FDFT1: variants seen among roughly 807,000 people sequenced by gnomAD.
FDFT1 encodes the protein squalene synthase.
FDFT1 carries 68 observed loss-of-function variants against 46.8 expected under a neutral mutation model. The observed-to-expected ratio is 1.45, with a 90% CI of 1.19 to 1.78. The LOEUF (loss-of-function observed/expected upper bound fraction) is 1.78, where lower values mean the gene tolerates loss of function less well. Ranked by LOEUF, FDFT1 falls within the 40% of genes most tolerant of loss-of-function variation. The pLI is 0.00. For synonymous variants in FDFT1, 351 were observed against 185.1 expected (o/e 1.90, Z -7.28); for missense variants, 928 against 524.4 (o/e 1.77, Z -7.52).
rs71711801 is a variant in FDFT1, at chr8:11,808,709, GTCCCACTCCCAC to G, written c.100-57_100-46del. ...GCAGGCTGTGGAGCCGCCTGCCCCA[GTCCCACTCCCAC>G]TCCCACTCCCACTCCCACTCCCACT... On this transcript the variant is annotated intron_variant, in intron 1 of 7. Coordinates refer to ENST00000220584, the MANE Select transcript of FDFT1 (RefSeq NM_004462.5). The G allele has an allele frequency of 0.019, 28,079 of 1,514,486 alleles. 394 individuals are homozygous for G. Among genetic ancestry groups the G allele is most frequent in the African/African-American group, 0.063 (4,513 of 71,468 alleles). The allele number at this position is 1,514,486 out of a possible 1,614,324, so 93.8% of individuals were successfully genotyped here. A position where few individuals can be genotyped will look rare whatever the true frequency, so the allele number is the denominator to read the frequency against.
At chr8:11,801,454 G>C (rs1394174320), upstream of FDFT1, among the ~76,000 whole-genome samples, 1 of 152,160 alleles carries the variant, frequency 6.6e-6, no homozygotes, top group Non-Finnish European at 1.5e-5. Context: ...CAGGTAGCTG[G>C]GATTATAGGC....
intron 5 of FDFT1, among the ~76,000 whole-genome samples, chr8:11,829,835 T>G (rs1026923021): frequency 3.0e-5 from 3 of 98,842 alleles, no homozygotes; most frequent in Non-Finnish European, 6.3e-5. Flanking sequence ...TATCATAGTG[T>G]TTTTTTTTGT....
chr8:11,810,746 G>A (rs1295478874), intron 3 of FDFT1, among the ~76,000 whole-genome samples: 2 of 152,082 alleles, frequency 1.3e-5, no homozygotes, highest in African/African-American at 4.8e-5. Context: ...ATTTAGCAAA[G>A]TCACATGTTG....
At chr8:11,836,577 C>G (rs777138346) in intron 7 of FDFT1, among the ~76,000 whole-genome samples, 2 of 152,264 alleles carry the variant, frequency 1.3e-5, no homozygotes, top group Non-Finnish European at 2.9e-5. Context: ...TTCTGTTTCA[C>G]TTCTCCACTC....
chr8:11,833,330 G>C (rs1423578437), intron 7 of FDFT1, among the ~76,000 whole-genome samples: 1 of 152,196 alleles, frequency 6.6e-6, no homozygotes, highest in Non-Finnish European at 1.5e-5. Context: ...AGGTCTGTCT[G>C]ACATCAGAAT....
Position 11,821,763 on chromosome 8 carries a change from T to C in FDFT1, c.395T>C (p.Phe132Ser). ...TTTCCATTTCAGATCTCCCTTGAGT[T>C]TAGAAATCTGGCTGAGAAATACCAA... The part of the protein sequence containing the change: ...LEDFPTISLE[F>S]RNLAEKYQTV... Residue 132 changes from phenylalanine (F) to serine (S), a missense_variant, in exon 4 of 8, where the codon TTT becomes TCT. Transcript: ENST00000220584. 5 of 1,613,406 alleles carry C rather than the reference T, an allele frequency of 3.1e-6. No homozygotes were observed. Among genetic ancestry groups the C allele is most frequent in the Non-Finnish European group, 4.2e-6 (5 of 1,179,494 alleles).
At chr8:11,796,851 T>C (rs1476622959) in intron 1 of FDFT1, among the ~76,000 whole-genome samples, 1 of 152,182 alleles carries the variant, frequency 6.6e-6, no homozygotes, top group Non-Finnish European at 1.5e-5. Context: ...GAGCCAGTGG[T>C]AAGGTGGAAG....
chr8:11,832,624 T>C (rs985197584), intron 7 of FDFT1, among the ~76,000 whole-genome samples: 19 of 142,802 alleles, frequency 1.3e-4, no homozygotes, highest in African/African-American at 4.6e-4. Flanking sequence ...CTCTAGGCCC[T>C]AGAGCAGTGG....
At chr8:11,820,474 G>A (rs1809073470) in intron 3 of FDFT1, among the ~76,000 whole-genome samples, 1 of 139,576 alleles carries the variant, frequency 7.2e-6, no homozygotes, top group Non-Finnish European at 1.6e-5. Context: ...TAGAGAGGCA[G>A]TAGGCCTTGC....
At chr8:11,799,366 G>A (rs765742803), upstream of FDFT1, among the ~76,000 whole-genome samples, 1 of 152,224 alleles carries the variant, frequency 6.6e-6, no homozygotes, top group Non-Finnish European at 1.5e-5. Flanking sequence ...TTATCTCAAG[G>A]CCAGCGTTTA....
chr8:11,818,266 G>T (rs1808736874), intron 3 of FDFT1, among the ~76,000 whole-genome samples: 1 of 152,210 alleles, frequency 6.6e-6, no homozygotes, highest in African/African-American at 2.4e-5. Flanking sequence ...TTGCTGAGCA[G>T]TGTTTTTCTT....
At chr8:11,814,064 C>G (rs755716494) in intron 3 of FDFT1, among the ~76,000 whole-genome samples, 9 of 152,154 alleles carry the variant, frequency 5.9e-5, no homozygotes, top group Non-Finnish European at 1.0e-4. Context: ...TTGGAGGAGT[C>G]TAAGCTCCTT....
intron 4 of FDFT1, among the ~76,000 whole-genome samples, chr8:11,824,055 G>A (rs931352628): frequency 1.1e-4 from 16 of 151,972 alleles, no homozygotes; most frequent in Non-Finnish European, 2.4e-4. Flanking sequence ...CAGAGATGAG[G>A]TCTTGCTTTG....
intron 3 of FDFT1, among the ~76,000 whole-genome samples, chr8:11,812,672 A>C (rs1368364005): frequency 1.3e-5 from 2 of 152,230 alleles, no homozygotes; most frequent in Non-Finnish European, 2.9e-5. Context: ...ATTTTTAGCT[A>C]CATATAGTAT....
chr8:11,802,621 C>G, upstream of FDFT1: 1 of 592,664 alleles, frequency 1.7e-6, no homozygotes, highest in Non-Finnish European at 3.0e-6. Context: ...AATCAGCGCC[C>G]GTCAGCCCAC....
chr8:11,822,934 A>G (rs1809461593), intron 4 of FDFT1, among the ~76,000 whole-genome samples: 1 of 152,210 alleles, frequency 6.6e-6, no homozygotes, highest in African/African-American at 2.4e-5. Context: ...GTTGAATAGA[A>G]GTTTTGATCA....
At position 11,825,979 on chromosome 8, in the gene FDFT1, G is replaced by C. The variant is rs368352150; in HGVS notation, c.511-45G>C. ...AATGATCTCTAGTGTGTCCATTTCA[G>C]TAAAAATTCCATTATTAAAGTGCTT... is the stretch of plus-strand genomic sequence containing the variant. On this transcript the variant is annotated intron_variant, in intron 4 of 7. Transcript: ENST00000220584. The C allele has an allele frequency of 2.0e-5, 28 of 1,407,472 alleles. 2 individuals carry two copies. In the Middle Eastern group the frequency reaches 3.9e-3, roughly 197 times the overall value. The allele number at this position is 1,407,472 out of a possible 1,614,324, so 87.2% of individuals were successfully genotyped here.
chr8:11,805,185 G>T (rs1806672582), intron 1 of FDFT1, among the ~76,000 whole-genome samples: 1 of 152,030 alleles, frequency 6.6e-6, no homozygotes, highest in Non-Finnish European at 1.5e-5. Flanking sequence ...CAAAGTGCTG[G>T]GATTACAGGT....
At chr8:11,809,958 G>A (rs1807473265) in intron 3 of FDFT1, 108 bp downstream of exon 3, 2 of 836,584 alleles carry the variant, frequency 2.4e-6, no homozygotes, top group African/African-American at 1.7e-5. Flanking sequence ...AGCATTCTGA[G>A]GGCAGCATAA....
Sources: gnomAD v4.1 joint callset for allele counts (sites outside exome capture counted in the v4.1 genomes callset) on GRCh38, gnomAD v4.1.1 for gene constraint, MANE v1.5 for transcripts, NCBI Gene and HGNC (gene_info 2026-07-23, HGNC 2026-07-21) for gene names.